Variants in SESTD1 observed in about 807,000 individuals in gnomAD.
The protein encoded by SESTD1 is SEC14 domain and spectrin repeat-containing protein 1.
In SESTD1, 43 loss-of-function variants were observed where a neutral mutation model predicts 101.7. That is an observed-to-expected ratio of 0.42 (90% CI 0.33 to 0.55). The LOEUF is 0.55. Ranked by LOEUF, SESTD1 falls within the 20% of genes least tolerant of loss-of-function variation. The pLI is 0.07. For synonymous variants in SESTD1, 283 were observed against 286.8 expected, an observed-to-expected ratio of 0.99 and a Z score of 0.13; for missense variants, 647 against 815.1, an observed-to-expected ratio of 0.79 and a Z score of 2.51.
At chr2:179,197,793 A>G (rs931199083) in intron 1 of SESTD1, among the ~76,000 whole-genome samples, 6 of 152,212 alleles carry the variant, frequency 3.9e-5, no homozygotes, top group African/African-American at 1.4e-4. Context: ...CTGCCCTAGA[A>G]GAGCTCTTGA....
At chr2:179,219,286 G>A (rs1447544793) in intron 1 of SESTD1, among the ~76,000 whole-genome samples, 2 of 152,248 alleles carry the variant, frequency 1.3e-5, no homozygotes, top group African/African-American at 2.4e-5. Context: ...GATGATGTGA[G>A]TGGGTACACT....
At chr2:179,125,539 C>G (rs1248494595) in intron 10 of SESTD1, among the ~76,000 whole-genome samples, 2 of 152,286 alleles carry the variant, frequency 1.3e-5, no homozygotes, top group Admixed American at 1.3e-4. Context: ...TCCCTCACAT[C>G]AGAAGGGTAA....
intron 13 of SESTD1, among the ~76,000 whole-genome samples, chr2:179,117,911 T>A (rs1276800489): frequency 3.3e-5 from 5 of 152,002 alleles, no homozygotes; most frequent in African/African-American, 1.2e-4. Flanking sequence ...CCAAAAAAAA[T>A]CTCCATTGCT....
chr2:179,210,253 A>C lies in SESTD1; in HGVS notation c.-25-18387T>G, dbSNP rs191928772. Among the ~76,000 whole-genome samples the C allele has an allele frequency of 2.4e-4, 29 of 121,650 alleles. 7 individuals carry two copies. The highest frequency in any genetic ancestry group is 8.8e-3 in the Middle Eastern group (2 of 228). The allele number at this position is 121,650 out of a possible 152,430, so 79.8% of individuals were successfully genotyped here. On this transcript the variant is annotated intron_variant, in intron 1 of 17. Transcript: ENST00000428443. ...ATGGATTCACAGCTGAATTCTATCA[A>C]ACATTCAAAGAAGAATTGGTATCAA...
chr2:179,158,744 T>A (rs753387969), intron 5 of SESTD1, among the ~76,000 whole-genome samples: 1 of 152,174 alleles, frequency 6.6e-6, no homozygotes, highest in Non-Finnish European at 1.5e-5. Flanking sequence ...TTTTATACAA[T>A]CCATATTCTT....
At chr2:179,123,620 T>C in intron 12 of SESTD1, 95 bp downstream of exon 12, 1 of 730,678 alleles carries the variant, frequency 1.4e-6, no homozygotes, top group Non-Finnish European at 2.3e-6. Context: ...ATAATACTAA[T>C]TAGTTCAGTG....
Position 179,206,300 on chromosome 2 carries a change from A to C in SESTD1, c.-25-14434T>G, listed in dbSNP as rs531363157. Among the ~76,000 whole-genome samples, 187 of 135,654 alleles carry C rather than the reference A, an allele frequency of 1.4e-3. 46 individuals carry two copies. Among genetic ancestry groups the C allele is most frequent in the African/African-American group, 4.9e-3 (169 of 34,654 alleles). 89.0% of individuals were successfully genotyped at this position (135,654 alleles called of 152,430 possible). ...CAAAAGAAGTGGCTTGCTGCTGCAA[A>C]CACCACAAAACAGCTAAAAAACTGT... On this transcript the variant is annotated intron_variant, in intron 1 of 17. Transcript: ENST00000428443.
chr2:179,144,539 C>T (rs557160923), intron 8 of SESTD1, among the ~76,000 whole-genome samples: 13 of 151,792 alleles, frequency 8.6e-5, no homozygotes, highest in Non-Finnish European at 1.9e-4. Context: ...ACAACTAAAG[C>T]TGTAGATATT....
rs1013175224 is a variant in SESTD1 at position 179,109,022 on chromosome 2, G to A, written c.*877C>T. ...CCCCTAAAGACAAAGTATCTTCAGG[G>A]TAGTTAATAATTTTGAGAATATTTT... On this transcript the variant is annotated 3_prime_UTR_variant, in exon 18 of 18. Coordinates refer to ENST00000428443, the MANE Select transcript of SESTD1 (RefSeq NM_178123.5). The A allele has an allele frequency of 4.6e-5, 7 of 152,184 alleles. No individual in the cohort carries two copies. Among genetic ancestry groups the A allele is most frequent in the African/African-American group, 1.7e-4 (7 of 41,368 alleles). 9.4% of individuals were successfully genotyped at this position (152,184 alleles called of 1,614,324 possible). A position where few individuals can be genotyped will look rare whatever the true frequency, so the allele number is the denominator to read the frequency against.
chr2:179,220,393 G>A (rs2046796129), intron 1 of SESTD1, among the ~76,000 whole-genome samples: 1 of 152,150 alleles, frequency 6.6e-6, no homozygotes, highest in South Asian at 2.1e-4. Context: ...GCAGCAAAAG[G>A]AAAAAGGAAC....
At chr2:179,190,949 G>A (rs1397694253) in intron 2 of SESTD1, among the ~76,000 whole-genome samples, 1 of 152,176 alleles carries the variant, frequency 6.6e-6, no homozygotes, top group Non-Finnish European at 1.5e-5. Context: ...TTCAGTAACT[G>A]GAGAAAGCAG....
At chr2:179,135,744 C>G (rs1200618618) in intron 9 of SESTD1, among the ~76,000 whole-genome samples, 1 of 152,110 alleles carries the variant, frequency 6.6e-6, no homozygotes, top group Non-Finnish European at 1.5e-5. Context: ...CAGAGTGAGA[C>G]CCTGTCTCAA....
chr2:179,129,492 T>C (rs767817076), intron 10 of SESTD1, among the ~76,000 whole-genome samples: 2 of 152,218 alleles, frequency 1.3e-5, no homozygotes, highest in Non-Finnish European at 2.9e-5. Context: ...TAAAACTTAA[T>C]ATCCTAACAA....
rs764081828 is a variant in SESTD1, at chr2:179,108,612, T to C, written c.*1287A>G. The C allele has an allele frequency of 1.3e-5, 2 of 151,238 alleles. No individual in the cohort carries two copies. The highest frequency in any genetic ancestry group is 4.8e-5 in the African/African-American group (2 of 41,246). The allele number at this position is 151,238 out of a possible 1,614,324, so 9.4% of individuals were successfully genotyped here. On this transcript the variant is annotated 3_prime_UTR_variant, in exon 18 of 18. Coordinates refer to ENST00000428443, the MANE Select transcript of SESTD1 (RefSeq NM_178123.5). The stretch of plus-strand genomic sequence containing the variant: ...AAAAGGGAGGGGTTTTTTTTTTGCA[T>C]TGGAAGATACACGAGCATGTTTGTA...
At chr2:179,232,510 G>C (rs762335398) in intron 1 of SESTD1, among the ~76,000 whole-genome samples, 1 of 151,928 alleles carries the variant, frequency 6.6e-6, no homozygotes, top group Non-Finnish European at 1.5e-5. Context: ...AGTAAGAAGC[G>C]ACAAGGGAGA....
chr2:179,109,873 G>A lies in SESTD1; in HGVS notation c.*26C>T, dbSNP rs746630865. On this transcript the variant is annotated 3_prime_UTR_variant, in exon 18 of 18. Transcript: ENST00000428443. ...TTGACAACATGCGGGATTATGAACT[G>A]CAAATCTGTAGGTAGCTGGTAGCTA... is the stretch of plus-strand genomic sequence containing the variant. The A allele has an allele frequency of 3.1e-6, 5 of 1,611,884 alleles. No individual in the cohort carries two copies. The highest frequency in any genetic ancestry group is 4.2e-6 in the Non-Finnish European group (5 of 1,178,962).
intron 9 of SESTD1, among the ~76,000 whole-genome samples, chr2:179,136,634 A>G (rs1364573791): frequency 1.3e-5 from 2 of 152,196 alleles, no homozygotes; most frequent in Admixed American, 6.5e-5. Context: ...TTCTAAAAAT[A>G]AAAGTGGAAC....
chr2:179,199,977 G>T, intron 1 of SESTD1, among the ~76,000 whole-genome samples: 1 of 152,140 alleles, frequency 6.6e-6, no homozygotes, highest in Non-Finnish European at 1.5e-5. Flanking sequence ...AAAAGGGGAA[G>T]TCAAATTGTC....
At chr2:179,165,208 T>C (rs2045814373) in intron 5 of SESTD1, among the ~76,000 whole-genome samples, 1 of 152,226 alleles carries the variant, frequency 6.6e-6, no homozygotes, top group African/African-American at 2.4e-5. Context: ...GAAAATATCC[T>C]AGCTGAATCT....
Sources: allele counts gnomAD v4.1 joint callset (sites outside exome capture counted in the v4.1 genomes callset), GRCh38; gene constraint gnomAD v4.1.1; transcripts MANE v1.5; gene names NCBI Gene and HGNC (gene_info 2026-07-23, HGNC 2026-07-21).